Variants in CARMIL1 observed in about 807,000 individuals in gnomAD.
The protein encoded by CARMIL1 is capping protein regulator and myosin 1 linker 1.
A neutral mutation model predicts 177.1 loss-of-function variants in CARMIL1; 90 were observed. The observed-to-expected ratio is 0.51, with a 90% CI of 0.43 to 0.61. The LOEUF is 0.61. Among genes scored for constraint, CARMIL1 ranks in the 20% least tolerant of loss-of-function variants. CARMIL1 has a pLI of 0.00. For missense variants in CARMIL1, 1,380 were observed against 1,667.0 expected (o/e 0.83, Z 3.00); for synonymous variants, 577 against 606.2 (o/e 0.95, Z 0.71).
chr6:25,305,137 T>A (rs1435035186), intron 2 of CARMIL1, among the ~76,000 whole-genome samples: 1 of 152,198 alleles, frequency 6.6e-6, no homozygotes, highest in African/African-American at 2.4e-5. Context: ...GGACTTTGTT[T>A]GCTTGTCTCT....
chr6:25,329,903 G>T (rs1785453806), intron 2 of CARMIL1, among the ~76,000 whole-genome samples: 1 of 152,210 alleles, frequency 6.6e-6, no homozygotes, highest in Non-Finnish European at 1.5e-5. Flanking sequence ...CTGGGCATCA[G>T]CTCATTATCA....
At chr6:25,567,642 C>A (rs1255775052) in intron 29 of CARMIL1, among the ~76,000 whole-genome samples, 2 of 152,080 alleles carry the variant, frequency 1.3e-5, no homozygotes. Context: ...GAGGAGGGAA[C>A]AAGTAGGGTA....
chr6:25,550,878 C>A (rs367612477), intron 26 of CARMIL1, 32 bp from the exon 27 acceptor site: 2 of 1,593,274 alleles, frequency 1.3e-6, no homozygotes, highest in Non-Finnish European at 1.7e-6. Context: ...GCAGTGTCAT[C>A]ATCTCTTCCC....
intron 2 of CARMIL1, among the ~76,000 whole-genome samples, chr6:25,301,633 G>A (rs566647446): frequency 6.6e-6 from 1 of 152,240 alleles, no homozygotes; most frequent in Admixed American, 6.5e-5. Context: ...TTGCAGGTGG[G>A]TTTCATGGCA....
intron 36 of CARMIL1, chr6:25,612,853 G>A: frequency 4.1e-6 from 4 of 985,364 alleles, no homozygotes; most frequent in Non-Finnish European, 4.8e-6. Context: ...GGAAGTGAAT[G>A]CAATTGGGCA....
intron 2 of CARMIL1, among the ~76,000 whole-genome samples, chr6:25,378,192 C>A (rs1258379616): frequency 6.6e-6 from 1 of 152,194 alleles, no homozygotes; most frequent in Non-Finnish European, 1.5e-5. Context: ...TAGCAGCAAG[C>A]CCTACGCAGC....
chr6:25,500,112 T>G, intron 16 of CARMIL1, 54 bp from the exon 17 acceptor site: 1 of 1,513,486 alleles, frequency 6.6e-7, no homozygotes, highest in Non-Finnish European at 9.2e-7. Flanking sequence ...TTGCATTTTT[T>G]CTTTTGGGCA....
At chr6:25,358,277 G>A (rs1040715466) in intron 2 of CARMIL1, among the ~76,000 whole-genome samples, 6 of 152,144 alleles carry the variant, frequency 3.9e-5, no homozygotes, top group East Asian at 1.9e-4. Context: ...GTGAAGCATT[G>A]TAATTGGCTT....
At chr6:25,513,625 G>A (rs987151075) in intron 20 of CARMIL1, among the ~76,000 whole-genome samples, 11 of 152,100 alleles carry the variant, frequency 7.2e-5, no homozygotes, top group Admixed American at 3.9e-4. Context: ...GTCTCCTGTA[G>A]CCCTTTGGTA....
intron 11 of CARMIL1, among the ~76,000 whole-genome samples, chr6:25,474,609 C>T (rs139700848): frequency 2.1e-4 from 32 of 152,234 alleles, no homozygotes; most frequent in African/African-American, 5.5e-4. Context: ...AACTAGATCA[C>T]GCAAAAAGTA....
intron 2 of CARMIL1, among the ~76,000 whole-genome samples, chr6:25,292,055 T>C (rs906838152): frequency 6.6e-6 from 1 of 152,194 alleles, no homozygotes; most frequent in Admixed American, 6.5e-5. Context: ...TTTATTCCAG[T>C]AGTTAAAATA....
At chr6:25,563,371 GA>G (rs1811299788) in intron 29 of CARMIL1, 1 of 985,200 alleles carries the variant, frequency 1.0e-6, no homozygotes, top group African/African-American at 1.7e-5. Flanking sequence ...TCAAATTGGA[GA>G]AAACAATGTT....
At chr6:25,290,540 TCATTC>T (rs1781869599) in intron 2 of CARMIL1, among the ~76,000 whole-genome samples, 1 of 151,860 alleles carries the variant, frequency 6.6e-6, no homozygotes, top group Admixed American at 6.6e-5. Flanking sequence ...GTATGAAAAG[TCATTC>T]CTAGTCTCCA....
At chr6:25,598,920 G>A (rs1370457979) in intron 32 of CARMIL1, among the ~76,000 whole-genome samples, 1 of 152,158 alleles carries the variant, frequency 6.6e-6, no homozygotes, top group African/African-American at 2.4e-5. Context: ...TGCCTGGCAG[G>A]TATAAACCTG....
chr6:25,613,624 GA>G (rs138838111), intron 36 of CARMIL1, among the ~76,000 whole-genome samples: 3 of 152,064 alleles, frequency 2.0e-5, no homozygotes, highest in Non-Finnish European at 4.4e-5. Flanking sequence ...CTGACTCAGA[GA>G]AAAAAATGTC....
chr6:25,362,987 A>T (rs980002884), intron 2 of CARMIL1, among the ~76,000 whole-genome samples: 3 of 152,172 alleles, frequency 2.0e-5, no homozygotes, highest in African/African-American at 7.2e-5. Flanking sequence ...GTGAGCCGAG[A>T]TTGCACCACT....
intron 1 of CARMIL1, among the ~76,000 whole-genome samples, chr6:25,281,693 T>A (rs184315947): frequency 2.1e-4 from 32 of 152,282 alleles, no homozygotes; most frequent in African/African-American, 7.0e-4. Flanking sequence ...ATAGAATAAA[T>A]ACCTGCACCT....
At chr6:25,352,152 TAAA>T (rs71744522) in intron 2 of CARMIL1, among the ~76,000 whole-genome samples, 16,517 of 144,028 alleles carry the variant, frequency 0.11, 1,016 homozygotes, top group African/African-American at 0.17. Context: ...TTGGATACAG[TAAA>T]AAAAAAAAAA....
At position 25,500,206 on chromosome 6, in the gene CARMIL1, G is replaced by A; in HGVS notation, c.1366G>A (p.Gly456Arg). Reference protein sequence around the residue: ...LGLACNHNLKGVSLDLSNCEL... With the variant: ...LGLACNHNLKRVSLDLSNCEL... The stretch of plus-strand genomic sequence containing the variant: ...CCTGGCTTGTAATCATAACTTGAAA[G>A]GGGTTTCTCTGGATCTCAGCAACTG... Residue 456 changes from glycine to arginine, a missense_variant, in exon 17 of 37, where the codon GGG (glycine) becomes AGG (arginine). By Grantham distance (125) the Gly-to-Arg change is moderately radical. Coordinates refer to ENST00000329474, the MANE Select transcript of CARMIL1 (RefSeq NM_017640.6). 1 of 1,613,914 alleles carries A rather than the reference G, an allele frequency of 6.2e-7. No homozygotes were observed. Among genetic ancestry groups the A allele is most frequent in the South Asian group, 1.1e-5 (1 of 91,074 alleles).
Sources: allele counts gnomAD v4.1 joint callset (sites outside exome capture counted in the v4.1 genomes callset), GRCh38; gene constraint gnomAD v4.1.1; transcripts MANE v1.5; gene names NCBI Gene and HGNC (gene_info 2026-07-23, HGNC 2026-07-21).